Variants in RAB11FIP4 observed in about 807,000 individuals in gnomAD.
The protein encoded by RAB11FIP4 is rab11 family-interacting protein 4.
In RAB11FIP4, 23 loss-of-function variants were observed where a neutral mutation model predicts 74.3. The observed-to-expected ratio is 0.31, with a 90% CI of 0.22 to 0.44. RAB11FIP4 has a LOEUF of 0.44. Among genes scored for constraint, RAB11FIP4 ranks in the 20% least tolerant of loss-of-function variants. RAB11FIP4 has a pLI of 1.00. For missense variants in RAB11FIP4, 630 were observed against 863.9 expected, an observed-to-expected ratio of 0.73 and a Z score of 3.39; for synonymous variants, 360 against 359.9, an observed-to-expected ratio of 1.00 and a Z score of 0.00.
At chr17:31,477,283 C>T (rs1164692087) in intron 3 of RAB11FIP4, among the ~76,000 whole-genome samples, 1 of 152,218 alleles carries the variant, frequency 6.6e-6, no homozygotes, top group Non-Finnish European at 1.5e-5. Context: ...CTAATGGCTG[C>T]CACCTGGAGT....
intron 3 of RAB11FIP4, among the ~76,000 whole-genome samples, chr17:31,496,336 G>C (rs1482325105): frequency 5.4e-4 from 83 of 152,324 alleles, no homozygotes; most frequent in Non-Finnish European, 7.3e-5. Context: ...TGGCTCCACA[G>C]TTGTCATGGC....
intron 2 of RAB11FIP4, among the ~76,000 whole-genome samples, chr17:31,432,356 CTT>C (rs749879395): frequency 3.4e-4 from 47 of 139,444 alleles, no homozygotes; most frequent in Admixed American, 2.2e-4. Flanking sequence ...CCCGCCTCCT[CTT>C]TTTTTTTTTT....
chr17:31,402,509 A>G (rs1444111274), intron 1 of RAB11FIP4, among the ~76,000 whole-genome samples: 1 of 152,060 alleles, frequency 6.6e-6, no homozygotes, highest in African/African-American at 2.4e-5. Context: ...ACTCTTTTTT[A>G]TGATTTCTCA....
At chr17:31,453,355 CAAAAAA>C (rs747844559) in intron 3 of RAB11FIP4, among the ~76,000 whole-genome samples, 4 of 71,816 alleles carry the variant, frequency 5.6e-5, no homozygotes, top group Middle Eastern at 8.9e-3. Flanking sequence ...GACCCTACCT[CAAAAAA>C]AAAAAAAAAA....
rs538922793 is a variant in RAB11FIP4 at position 31,431,845 on chromosome 17, C to T, written c.192C>T (p.Asn64=). ...AACTTGTGAAATATTTGGATCCCAA[C>T]GACCTGGGGAGAATCAACTTCAAGG... The part of the protein sequence containing the change: ...VEKLVKYLDP[N]DLGRINFKDF... Residue 64 remains asparagine, a synonymous_variant, in exon 2 of 15, where the codon AAC becomes AAT. Coordinates refer to ENST00000621161, the MANE Select transcript of RAB11FIP4 (RefSeq NM_032932.6). The T allele has an allele frequency of 5.0e-5, 80 of 1,612,480 alleles. 1 individual carries two copies. Among genetic ancestry groups the T allele is most frequent in the Admixed American group, 1.5e-4 (9 of 59,892 alleles).
chr17:31,414,733 A>T (rs1365347570), intron 1 of RAB11FIP4, among the ~76,000 whole-genome samples: 1 of 152,196 alleles, frequency 6.6e-6, no homozygotes, highest in African/African-American at 2.4e-5. Flanking sequence ...GGCACTCCAA[A>T]GCCGCACAGG....
intron 1 of RAB11FIP4, among the ~76,000 whole-genome samples, chr17:31,400,613 G>T (rs373827355): frequency 6.6e-6 from 1 of 152,380 alleles, no homozygotes; most frequent in African/African-American, 2.4e-5. Context: ...GGTGATGGGC[G>T]CTGGGGGCCA....
chr17:31,475,475 C>T (rs1020500707), intron 3 of RAB11FIP4, among the ~76,000 whole-genome samples: 2 of 152,218 alleles, frequency 1.3e-5, no homozygotes, highest in Non-Finnish European at 2.9e-5. Context: ...CTTAAGCATT[C>T]GTCGTGCATT....
In RAB11FIP4 at chr17:31,525,175, G is replaced by T. The variant is rs1300428454; in HGVS notation, c.1219G>T (p.Ala407Ser). Reference sequence around the variant, plus strand: ...GGAGGAGGCGCGGCGCCACCGCGAGGCCTACGGCAAGCTGGAGAGGGAGAA... The same window carrying T: ...GGAGGAGGCGCGGCGCCACCGCGAGTCCTACGGCAAGCTGGAGAGGGAGAA... ...LEEEARRHREAYGKLEREKAT... is the reference protein window; with the variant it reads ...LEEEARRHRESYGKLEREKAT... The change falls in exon 10 of 15, where the codon GCC (alanine) becomes TCC (serine). Residue 407 changes from alanine (A) to serine (S), a missense_variant. Coordinates refer to ENST00000621161, the MANE Select transcript of RAB11FIP4 (RefSeq NM_032932.6). 5 of 1,549,310 alleles carry T rather than the reference G, an allele frequency of 3.2e-6. No individual in the cohort carries two copies. The South Asian group carries it at 4.8e-5, about 15-fold the overall frequency.
intron 3 of RAB11FIP4, among the ~76,000 whole-genome samples, chr17:31,457,805 C>T (rs1194451290): frequency 1.3e-5 from 2 of 152,024 alleles, no homozygotes; most frequent in African/African-American, 2.4e-5. Context: ...TCTCTGTCTG[C>T]ATGTGTGCCT....
intron 1 of RAB11FIP4, among the ~76,000 whole-genome samples, chr17:31,430,292 G>A (rs190895065): frequency 1.3e-4 from 20 of 152,166 alleles, no homozygotes; most frequent in African/African-American, 4.8e-4. Flanking sequence ...AGCATGGGAG[G>A]AGAGGGAGTG....
chr17:31,441,282 T>A (rs1190953097), intron 3 of RAB11FIP4, among the ~76,000 whole-genome samples: 2 of 152,044 alleles, frequency 1.3e-5, no homozygotes, highest in Admixed American at 6.5e-5. Context: ...TGCTTCGGCC[T>A]CCCAAAGTGC....
chr17:31,490,319 TCCCCGATCTGGGCAGC>T (rs2071984383), intron 3 of RAB11FIP4, among the ~76,000 whole-genome samples: 2 of 152,122 alleles, frequency 1.3e-5, no homozygotes. Flanking sequence ...TATCTGGCAG[TCCCCGATCTGGGCAGC>T]CCGTTATGCT....
intron 3 of RAB11FIP4, among the ~76,000 whole-genome samples, chr17:31,481,692 C>A (rs570971693): frequency 1.3e-5 from 2 of 152,316 alleles, no homozygotes; most frequent in East Asian, 3.9e-4. Flanking sequence ...GCCACCTCCT[C>A]TTCTTGGATG....
intron 3 of RAB11FIP4, among the ~76,000 whole-genome samples, chr17:31,442,511 T>C (rs1298773811): frequency 6.6e-6 from 1 of 152,218 alleles, no homozygotes; most frequent in African/African-American, 2.4e-5. Flanking sequence ...GTTCACATCT[T>C]ATCTGTGGCT....
At chr17:31,424,657 C>A (rs2071231056) in intron 1 of RAB11FIP4, among the ~76,000 whole-genome samples, 1 of 151,060 alleles carries the variant, frequency 6.6e-6, no homozygotes, top group African/African-American at 2.4e-5. Context: ...CTCACTGCAA[C>A]CTCCGCCTCC....
chr17:31,489,547 C>G (rs2071966963), intron 3 of RAB11FIP4, among the ~76,000 whole-genome samples: 1 of 152,192 alleles, frequency 6.6e-6, no homozygotes, highest in Non-Finnish European at 1.5e-5. Context: ...ACCCTGCTTT[C>G]TGGCTTTCGG....
At chr17:31,500,877 G>T (rs2072207272) in intron 3 of RAB11FIP4, among the ~76,000 whole-genome samples, 1 of 152,130 alleles carries the variant, frequency 6.6e-6, no homozygotes. Context: ...ACAAAAATTA[G>T]CTGGGTGTGA....
chr17:31,499,639 G>A lies in RAB11FIP4; in HGVS notation c.337-18012G>A, dbSNP rs147823533. 7.8e-3 allele frequency among the ~76,000 whole-genome samples: 1,182 copies of A among 152,292 alleles called. 22 individuals carry two copies. Among genetic ancestry groups the A allele is most frequent in the African/African-American group, 0.027 (1,132 of 41,554 alleles). On this transcript the variant is annotated intron_variant, in intron 3 of 14. Coordinates refer to ENST00000621161, the MANE Select transcript of RAB11FIP4 (RefSeq NM_032932.6). ...CAAAGTGCTGGGATTACAGGCATGA[G>A]CCACCGCACCTGGCCACATTTCCCC... is the stretch of plus-strand genomic sequence containing the variant.
Sources: gnomAD v4.1 joint callset for allele counts (sites outside exome capture counted in the v4.1 genomes callset) on GRCh38, gnomAD v4.1.1 for gene constraint, MANE v1.5 for transcripts, NCBI Gene and HGNC (gene_info 2026-07-23, HGNC 2026-07-21) for gene names.